The following EYA2 variants were observed in gnomAD, a reference collection of about 807,000 sequenced individuals.
EYA2 encodes the protein EYA transcriptional coactivator and phosphatase 2.
EYA2 carries 31 observed loss-of-function variants against 69.2 expected under a neutral mutation model. The observed-to-expected ratio is 0.45, with a 90% CI of 0.34 to 0.60. EYA2 has a LOEUF of 0.60. EYA2 is among the 20% of genes least tolerant of loss of function. The probability of loss-of-function intolerance (pLI) is 0.02; values close to 1 mark genes in which losing one functional copy is unlikely to be tolerated. For synonymous variants in EYA2, 257 were observed against 279.4 expected (o/e 0.92, Z 0.80); for missense variants, 622 against 701.2 (o/e 0.89, Z 1.28).
chr20:46,995,517 G>A (rs752650038), intron 2 of EYA2, among the ~76,000 whole-genome samples: 1 of 152,158 alleles, frequency 6.6e-6, no homozygotes, highest in Non-Finnish European at 1.5e-5. Flanking sequence ...CTAGTGTGGT[G>A]TCTTTCCAGC....
intron 9 of EYA2, among the ~76,000 whole-genome samples, chr20:47,129,581 G>C (rs2033896677): frequency 6.6e-6 from 1 of 152,214 alleles, no homozygotes; most frequent in South Asian, 2.1e-4. Context: ...AGGGCCAGGG[G>C]AAGCCAGTGG....
intron 9 of EYA2, among the ~76,000 whole-genome samples, chr20:47,116,516 A>G (rs942272842): frequency 1.3e-5 from 2 of 151,852 alleles, no homozygotes; most frequent in Admixed American, 1.3e-4. Context: ...AAACCTCATT[A>G]TAACAGATTC....
intron 4 of EYA2, among the ~76,000 whole-genome samples, chr20:47,007,343 A>G (rs1238169634): frequency 6.6e-6 from 1 of 152,218 alleles, no homozygotes; most frequent in Non-Finnish European, 1.5e-5. Flanking sequence ...AAGGAGCGAA[A>G]TTCAGCTGAG....
At chr20:47,050,846 A>G (rs1430190783) in intron 5 of EYA2, among the ~76,000 whole-genome samples, 1 of 152,232 alleles carries the variant, frequency 6.6e-6, no homozygotes, top group Non-Finnish European at 1.5e-5. Context: ...TGGAGAGAGA[A>G]AGCGTAGCGC....
At chr20:47,153,511 C>T (rs1313427125) in intron 10 of EYA2, among the ~76,000 whole-genome samples, 1 of 151,762 alleles carries the variant, frequency 6.6e-6, no homozygotes, top group African/African-American at 2.4e-5. Context: ...CAAAATTAGC[C>T]GGGCATGGTG....
intron 1 of EYA2, among the ~76,000 whole-genome samples, chr20:46,922,773 G>A (rs1985237703): frequency 6.6e-6 from 1 of 151,866 alleles, no homozygotes; most frequent in Non-Finnish European, 1.5e-5. Flanking sequence ...ATAAGGAGTA[G>A]CATTTTGCAT....
chr20:47,030,401 G>A (rs1345195120), intron 5 of EYA2, among the ~76,000 whole-genome samples: 1 of 152,210 alleles, frequency 6.6e-6, no homozygotes, highest in Non-Finnish European at 1.5e-5. Context: ...GGTGGCTGTG[G>A]TGTAGGAATG....
intron 12 of EYA2, among the ~76,000 whole-genome samples, chr20:47,178,659 C>A (rs1013606736): frequency 4.6e-5 from 7 of 152,056 alleles, no homozygotes; most frequent in African/African-American, 1.4e-4. Flanking sequence ...GGGTGCCGGA[C>A]CTGTGTCCAT....
chr20:46,948,633 G>A lies in EYA2; in HGVS notation c.-10-41368G>A, dbSNP rs143946371. ...AATCCTCTCCAACTGTTTTTCTGGT[G>A]ATAAATACTCTGTTCAAGATGCATA... is the stretch of plus-strand genomic sequence containing the variant. On this transcript the variant is annotated intron_variant, in intron 1 of 15. Coordinates refer to ENST00000327619, the MANE Select transcript of EYA2 (RefSeq NM_005244.5). Among the ~76,000 whole-genome samples, 28 of 152,272 alleles carry A rather than the reference G, an allele frequency of 1.8e-4. No individual in the cohort carries two copies. In the East Asian group the frequency reaches 5.2e-3, roughly 28 times the overall value.
At chr20:47,058,049 T>C (rs913061626) in intron 5 of EYA2, among the ~76,000 whole-genome samples, 4 of 152,242 alleles carry the variant, frequency 2.6e-5, no homozygotes, top group Non-Finnish European at 5.9e-5. Flanking sequence ...TTTATCCAGC[T>C]GCTAATGCCA....
At chr20:46,995,774 A>T (rs1234505527) in intron 2 of EYA2, among the ~76,000 whole-genome samples, 4 of 152,222 alleles carry the variant, frequency 2.6e-5, no homozygotes, top group Non-Finnish European at 4.4e-5. Context: ...AGGTGAAAAA[A>T]GTGTGAACAT....
intron 4 of EYA2, among the ~76,000 whole-genome samples, chr20:47,012,535 C>T (rs531903048): frequency 3.9e-5 from 6 of 152,152 alleles, no homozygotes; most frequent in Admixed American, 1.3e-4. Context: ...ACTCTTTAGC[C>T]CAGGCTGGAG....
chr20:47,188,526 G>T lies in EYA2; in HGVS notation c.*393G>T, dbSNP rs1189665978. On this transcript the variant is annotated 3_prime_UTR_variant, in exon 16 of 16. Transcript: ENST00000327619. ...GGAATTATGCTCTTGTACCTGTGTG[G>T]CTGGGTTTCTTAGTCGTTGGTTTGG... The T allele has an allele frequency of 1.5e-5, 7 of 464,400 alleles. No homozygotes were observed. The highest frequency in any genetic ancestry group is 1.4e-4 in the African/African-American group (7 of 51,432). The allele number at this position is 464,400 out of a possible 1,614,324, so 28.8% of individuals were successfully genotyped here.
intron 10 of EYA2, among the ~76,000 whole-genome samples, chr20:47,159,228 T>G (rs1468904049): frequency 6.6e-6 from 1 of 151,980 alleles, no homozygotes. Flanking sequence ...AAGGTCAACA[T>G]CAACAGTGAT....
chr20:46,970,950 G>A (rs1297659130), intron 1 of EYA2, among the ~76,000 whole-genome samples: 1 of 151,942 alleles, frequency 6.6e-6, no homozygotes, highest in Non-Finnish European at 1.5e-5. Flanking sequence ...TACTATGACG[G>A]GGGAAATAGA....
chr20:47,042,571 G>A (rs1312173078), intron 5 of EYA2, among the ~76,000 whole-genome samples: 5 of 152,106 alleles, frequency 3.3e-5, no homozygotes, highest in African/African-American at 1.2e-4. Flanking sequence ...CAGGAGTTAG[G>A]CTGTATTTGA....
At chr20:47,180,439 G>A (rs1406359322) in intron 13 of EYA2, among the ~76,000 whole-genome samples, 2 of 152,104 alleles carry the variant, frequency 1.3e-5, no homozygotes, top group Non-Finnish European at 1.5e-5. Context: ...CCAGGTTTCT[G>A]GATTCTCCCA....
intron 1 of EYA2, among the ~76,000 whole-genome samples, chr20:46,936,330 G>A (rs994465761): frequency 2.0e-5 from 3 of 152,170 alleles, no homozygotes; most frequent in African/African-American, 7.2e-5. Context: ...AATTAGCTGG[G>A]TGTGGTGGCA....
At chr20:47,068,586 G>C (rs1397740302) in intron 5 of EYA2, among the ~76,000 whole-genome samples, 2 of 152,084 alleles carry the variant, frequency 1.3e-5, no homozygotes, top group Admixed American at 6.5e-5. Context: ...ACTCAAATCA[G>C]ACTCTCTGTG....
Sources: gnomAD v4.1 joint callset for allele counts (sites outside exome capture counted in the v4.1 genomes callset) on GRCh38, gnomAD v4.1.1 for gene constraint, MANE v1.5 for transcripts, NCBI Gene and HGNC (gene_info 2026-07-23, HGNC 2026-07-21) for gene names.